Variants in ARHGAP15 observed in about 807,000 individuals in gnomAD.
ARHGAP15 encodes the protein Rho GTPase activating protein 15, also known as rho GTPase-activating protein 15.
ARHGAP15 carries 51 observed loss-of-function variants against 63.7 expected under a neutral mutation model. The observed-to-expected ratio is 0.80, with a 90% CI of 0.64 to 1.01. The LOEUF (loss-of-function observed/expected upper bound fraction) is 1.01, where lower values mean the gene tolerates loss of function less well. Ranked by LOEUF, ARHGAP15 falls within the 50% of genes least tolerant of loss-of-function variation. ARHGAP15 has a pLI of 0.00. For missense variants in ARHGAP15, 560 were observed against 564.6 expected (o/e 0.99, Z 0.08); for synonymous variants, 191 against 193.8 (o/e 0.99, Z 0.12).
intron 12 of ARHGAP15, among the ~76,000 whole-genome samples, chr2:143,672,510 A>T (rs901417751): frequency 1.3e-5 from 2 of 152,218 alleles, no homozygotes; most frequent in Non-Finnish European, 2.9e-5. Flanking sequence ...TTATCACATA[A>T]TATCTGTGAT....
chr2:143,153,512 T>C (rs1319675750), intron 1 of ARHGAP15, among the ~76,000 whole-genome samples: 1 of 152,016 alleles, frequency 6.6e-6, no homozygotes, highest in Non-Finnish European at 1.5e-5. Context: ...ACAACTTTTC[T>C]ATAAACATCT....
chr2:143,162,115 A>G (rs1215185260), intron 2 of ARHGAP15: 1 of 152,008 alleles, frequency 6.6e-6, no homozygotes, highest in Non-Finnish European at 1.5e-5. Flanking sequence ...TTTATTAAAA[A>G]GATCTGACAG....
chr2:143,416,818 A>ACCCCCCCCCCCCCCCCCC (rs1558957067), intron 6 of ARHGAP15, among the ~76,000 whole-genome samples: 4 of 96,442 alleles, frequency 4.1e-5, no homozygotes, highest in Admixed American at 1.0e-4. Context: ...CACTTCCCCC[A>ACCCCCCCCCCCCCCCCCC]CCACCCCCCC....
At chr2:143,442,085 T>TA (rs922163968) in intron 8 of ARHGAP15, among the ~76,000 whole-genome samples, 6 of 152,156 alleles carry the variant, frequency 3.9e-5, no homozygotes, top group African/African-American at 1.4e-4. Flanking sequence ...TGTCTTTGTT[T>TA]AAAAAATTTG....
chr2:143,310,415 G>C (rs1215972188), intron 6 of ARHGAP15, among the ~76,000 whole-genome samples: 1 of 151,902 alleles, frequency 6.6e-6, no homozygotes, highest in African/African-American at 2.4e-5. Context: ...TGCTTCCTCA[G>C]CACTGTTTCA....
At chr2:143,417,700 C>T (rs143212216) in intron 6 of ARHGAP15, among the ~76,000 whole-genome samples, 146 of 152,256 alleles carry the variant, frequency 9.6e-4, no homozygotes, top group Non-Finnish European at 1.9e-4. Context: ...TCAACTTGAG[C>T]GATACTGTCT....
intron 11 of ARHGAP15, among the ~76,000 whole-genome samples, chr2:143,585,175 G>T (rs4662341): frequency 0.82 from 124,560 of 152,074 alleles, 51,140 homozygotes; most frequent in South Asian, 0.83. Context: ...GCTCCATGCC[G>T]TTTCTTGTAA....
At chr2:143,455,873 T>C (rs1281941202) in intron 8 of ARHGAP15, among the ~76,000 whole-genome samples, 1 of 151,880 alleles carries the variant, frequency 6.6e-6, no homozygotes, top group Non-Finnish European at 1.5e-5. Context: ...GTGTCTTTTT[T>C]TAAAATCCCA....
intron 11 of ARHGAP15, among the ~76,000 whole-genome samples, chr2:143,588,394 C>T (rs967561184): frequency 1.3e-5 from 2 of 152,074 alleles, no homozygotes; most frequent in Admixed American, 6.6e-5. Flanking sequence ...TTCCAGGAGA[C>T]ATGTGCAGAA....
intron 11 of ARHGAP15, among the ~76,000 whole-genome samples, chr2:143,594,161 C>T (rs2105176331): frequency 6.6e-6 from 1 of 152,208 alleles, no homozygotes; most frequent in East Asian, 1.9e-4. Context: ...TCCATTATGT[C>T]AGGTAGCAAA....
rs79524737 is a variant in ARHGAP15 at position 143,641,954 on chromosome 2, T to C, written c.1138+17687T>C. Among the ~76,000 whole-genome samples, 7 of 152,108 alleles carry C rather than the reference T, an allele frequency of 4.6e-5. No individual in the cohort carries two copies. The South Asian group carries it at 1.0e-3, about 22-fold the overall frequency. On this transcript the variant is annotated intron_variant, in intron 12 of 13. Coordinates refer to ENST00000295095, the MANE Select transcript of ARHGAP15 (RefSeq NM_018460.4). ...ATACTGAAAAATGTAGAAGTATGTGTACAAACTTAAGGAAGGTTAGATAAT... is the reference window on the plus strand; with the variant it reads ...ATACTGAAAAATGTAGAAGTATGTGCACAAACTTAAGGAAGGTTAGATAAT...
At chr2:143,397,810 T>C (rs1687835855) in intron 6 of ARHGAP15, among the ~76,000 whole-genome samples, 1 of 152,132 alleles carries the variant, frequency 6.6e-6, no homozygotes, top group Admixed American at 6.6e-5. Context: ...CAATGTTTCA[T>C]CTTCATTTAG....
chr2:143,184,818 G>C (rs999867225), intron 2 of ARHGAP15, among the ~76,000 whole-genome samples: 1 of 151,428 alleles, frequency 6.6e-6, no homozygotes, highest in African/African-American at 2.4e-5. Flanking sequence ...AGGACTACAG[G>C]TACACCACGA....
chr2:143,484,405 G>T (rs1158669169), intron 8 of ARHGAP15, among the ~76,000 whole-genome samples: 1 of 151,040 alleles, frequency 6.6e-6, no homozygotes, highest in Non-Finnish European at 1.5e-5. Flanking sequence ...AGTGGCACAT[G>T]CCTGTAATCC....
chr2:143,680,256 A>G (rs187919530), intron 12 of ARHGAP15, among the ~76,000 whole-genome samples: 121 of 152,334 alleles, frequency 7.9e-4, no homozygotes, highest in African/African-American at 2.8e-3. Flanking sequence ...GCATTTTGAC[A>G]GGTAACCATT....
chr2:143,743,528 C>T (rs140929802), intron 13 of ARHGAP15, among the ~76,000 whole-genome samples: 38 of 152,294 alleles, frequency 2.5e-4, no homozygotes, highest in Middle Eastern at 6.8e-3. Flanking sequence ...CTTTATCAAC[C>T]TGTGCCTCTT....
At chr2:143,350,963 A>G (rs572779944) in intron 6 of ARHGAP15, 1 of 152,206 alleles carries the variant, frequency 6.6e-6, no homozygotes, top group African/African-American at 2.4e-5. Context: ...TCTTTATTAA[A>G]ATATCTATTA....
chr2:143,743,902 A>T lies in ARHGAP15; in HGVS notation c.1245-24087A>T, dbSNP rs144634894. On this transcript the variant is annotated intron_variant, in intron 13 of 13. Transcript: ENST00000295095. ...CCAGAAGAAAAAAAAAACATTATTA[A>T]GAATATAATGAACCAATAGATTTAC... 3.9e-5 allele frequency among the ~76,000 whole-genome samples: 6 copies of T among 152,326 alleles called. No homozygotes were observed. The East Asian group carries it at 1.2e-3, about 29-fold the overall frequency.
At chr2:143,450,439 T>C (rs773595286) in intron 8 of ARHGAP15, among the ~76,000 whole-genome samples, 3 of 151,926 alleles carry the variant, frequency 2.0e-5, no homozygotes, top group Non-Finnish European at 4.4e-5. Context: ...CTCTTAACTA[T>C]TAGTTGAAGA....
Sources: allele counts gnomAD v4.1 joint callset (sites outside exome capture counted in the v4.1 genomes callset), GRCh38; gene constraint gnomAD v4.1.1; transcripts MANE v1.5; gene names NCBI Gene and HGNC (gene_info 2026-07-23, HGNC 2026-07-21).